Variants in GOLGA8T observed in about 807,000 individuals in gnomAD.
GOLGA8T encodes golgin A8 family member T.
Under a neutral mutation model 52.0 loss-of-function variants are expected in GOLGA8T, and 17 were observed. The ratio of observed to expected loss-of-function variants is 0.33; its 90% confidence interval spans 0.22 to 0.49. GOLGA8T has a LOEUF of 0.49. Ranked by LOEUF, GOLGA8T falls within the 20% of genes least tolerant of loss-of-function variation. The pLI, the probability that GOLGA8T is intolerant of heterozygous loss-of-function variation, is 0.99. For synonymous variants in GOLGA8T, 67 were observed against 169.5 expected (o/e 0.40, Z 4.70); for missense variants, 154 against 462.1 (o/e 0.33, Z 6.11).
At chr15:30,141,699 C>T (rs1041232843) in intron 11 of GOLGA8T, 103 bp from the exon 12 acceptor site, 19 of 567,122 alleles carry the variant, frequency 3.4e-5, no homozygotes, top group African/African-American at 6.7e-5. Context: ...GAATCATTAG[C>T]AGTGAGGCCA....
Position 30,145,674 on chromosome 15 carries a change from C to T in GOLGA8T, c.*107C>T. The T allele has an allele frequency of 1.0e-6, 1 of 970,916 alleles. No individual in the cohort carries two copies. 60.1% of individuals were successfully genotyped at this position (970,916 alleles called of 1,614,324 possible). ...TTACTTCCTTTGAATGTTAGACTCA[C>T]TCATGATTATTTGTGTTTCTAATTT... On this transcript the variant is annotated 3_prime_UTR_variant, in exon 19 of 19. Transcript: ENST00000569052.
chr15:30,141,634 G>A (rs1463421583), intron 11 of GOLGA8T, among the ~76,000 whole-genome samples, 168 bp from the exon 12 acceptor site: 5 of 127,134 alleles, frequency 3.9e-5, no homozygotes, highest in Non-Finnish European at 7.7e-5. Context: ...TCAGCCACCC[G>A]CAGTGCTCTT....
chr15:30,141,374 C>T lies in GOLGA8T; in HGVS notation c.823C>T (p.Arg275Cys), dbSNP rs1299151609. Residue 275 changes from arginine to cysteine, a missense_variant, in exon 11 of 19, where the codon CGT becomes TGT. Arg to Cys is a radical substitution (Grantham distance 180). Around this residue, in one of 6 missense-constraint regions of GOLGA8T, gnomAD observed 56 missense variants for 134.2 expected, o/e 0.42. Transcript: ENST00000569052. Reference sequence around the variant, plus strand: ...AAAGAAAGAGAAGCAGCAAGATATGCGTCGGGTAGAGGAGCTGGAGAGGAG... The same window carrying T: ...AAAGAAAGAGAAGCAGCAAGATATGTGTCGGGTAGAGGAGCTGGAGAGGAG... ...TLKKEKQQDM[R>C]RVEELERSLS... 24 of 1,544,814 alleles carry T rather than the reference C, an allele frequency of 1.6e-5. 2 individuals carry two copies. Among genetic ancestry groups the T allele is most frequent in the South Asian group, 2.3e-5 (2 of 86,086 alleles).
rs2057846912 is a variant in GOLGA8T at position 30,148,558 on chromosome 15, G to A, written c.*2991G>A. On this transcript the variant is annotated 3_prime_UTR_variant, in exon 19 of 19. Coordinates refer to ENST00000569052, the MANE Select transcript of GOLGA8T (RefSeq NM_001355469.2). Reference sequence around the variant, plus strand: ...TATAAAAGAAAGAAATGGTGGGAACGAAAAGCAGAGAAAGAAATGCCAATT... The same window carrying A: ...TATAAAAGAAAGAAATGGTGGGAACAAAAAGCAGAGAAAGAAATGCCAATT... Among the ~76,000 whole-genome samples the A allele has an allele frequency of 7.4e-6, 1 of 135,636 alleles. No individual in the cohort carries two copies. Among genetic ancestry groups the A allele is most frequent in the African/African-American group, 3.1e-5 (1 of 32,444 alleles). The allele number at this position is 135,636 out of a possible 152,430, so 89.0% of individuals were successfully genotyped here.
At chr15:30,144,669 C>G in intron 15 of GOLGA8T, 110 bp from the exon 16 acceptor site, 1 of 1,193,504 alleles carries the variant, frequency 8.4e-7, no homozygotes, top group Non-Finnish European at 1.1e-6. Context: ...TGCAGGAAGT[C>G]ACGGAGAAGC....
intron 8 of GOLGA8T, chr15:30,140,062 C>G: frequency 1.7e-6 from 1 of 577,262 alleles, no homozygotes; most frequent in Non-Finnish European, 3.1e-6. Context: ...AGTCCTAGTC[C>G]TAGGTGGGGT....
At chr15:30,137,252 C>A (rs1253714552) in intron 2 of GOLGA8T, among the ~76,000 whole-genome samples, 1 of 146,690 alleles carries the variant, frequency 6.8e-6, no homozygotes, top group Non-Finnish European at 1.5e-5. Context: ...GTGGCGTGTG[C>A]CTGTAGTCCC....
At position 30,142,706 on chromosome 15, in the gene GOLGA8T, G is replaced by A. The variant is rs577067997; in HGVS notation, c.1200+324G>A. ...AATCCCAGCACTTTGGGAGGCTGAG[G>A]CAGGAGAATCACTTGAGGTCGGGAG... On this transcript the variant is annotated intron_variant, in intron 13 of 18. Transcript: ENST00000569052. Among the ~76,000 whole-genome samples, 391 of 128,908 alleles carry A rather than the reference G, an allele frequency of 3.0e-3. 10 individuals are homozygous for A. The highest frequency in any genetic ancestry group is 0.014 in the African/African-American group (363 of 26,302). The allele number at this position is 128,908 out of a possible 152,430, so 84.6% of individuals were successfully genotyped here.
intron 8 of GOLGA8T, 128 bp from the exon 9 acceptor site, chr15:30,140,714 G>A (rs2057731308): frequency 1.6e-5 from 13 of 791,328 alleles, no homozygotes; most frequent in East Asian, 5.4e-5. Flanking sequence ...ACCAGACCAC[G>A]GGCTTGGAAA....
At position 30,143,693 on chromosome 15, in the gene GOLGA8T, T is replaced by C. The variant is rs201489533; in HGVS notation, c.1276+12T>C. ...TCTCCCTGGGGAAGGTACGGGAGAC[T>C]GCTCAGAGGAAGAGGAGAGAGCCCC... On this transcript the variant is annotated intron_variant, in intron 14 of 18. Transcript: ENST00000569052. 0.055 allele frequency: 75,481 copies of C among 1,380,782 alleles called. 3,270 individuals carry two copies. The highest frequency in any genetic ancestry group is 0.14 in the African/African-American group (6,827 of 49,604). 85.5% of individuals were successfully genotyped at this position (1,380,782 alleles called of 1,614,324 possible). A position where few individuals can be genotyped will look rare whatever the true frequency, so the allele number is the denominator to read the frequency against.
chr15:30,142,532 C>T lies in GOLGA8T; in HGVS notation c.1200+150C>T, dbSNP rs2057759742. On this transcript the variant is annotated intron_variant, in intron 13 of 18. Transcript: ENST00000569052. ...CCAGGGCAGTCCTGTTTCTTGCTTC[C>T]TGCCTCTGACTTTTAAAGGTGGGTA... 17 of 1,469,406 alleles carry T rather than the reference C, an allele frequency of 1.2e-5. 1 individual carries two copies. The Middle Eastern group carries it at 1.4e-3, about 124-fold the overall frequency. 91.0% of individuals were successfully genotyped at this position (1,469,406 alleles called of 1,614,324 possible). A position where few individuals can be genotyped will look rare whatever the true frequency, so the allele number is the denominator to read the frequency against.
At chr15:30,142,487 G>A (rs1185019990) in intron 13 of GOLGA8T, 105 bp downstream of exon 13, 2 of 1,538,216 alleles carry the variant, frequency 1.3e-6, no homozygotes. Context: ...CAGCCTGGGG[G>A]CTGGTGACCA....
rs371484488 is a variant in GOLGA8T, at chr15:30,148,321, A to C, written c.*2754A>C. On this transcript the variant is annotated 3_prime_UTR_variant, in exon 19 of 19. Coordinates refer to ENST00000569052, the MANE Select transcript of GOLGA8T (RefSeq NM_001355469.2). Reference sequence around the variant, plus strand: ...TAATCATTTTAAAAGTATTTGATTCAACCTGATAATTTTCCAGAAATGAAA... The same window carrying C: ...TAATCATTTTAAAAGTATTTGATTCCACCTGATAATTTTCCAGAAATGAAA... Among the ~76,000 whole-genome samples, 2 of 128,104 alleles carry C rather than the reference A, an allele frequency of 1.6e-5. No individual in the cohort carries two copies. The highest frequency in any genetic ancestry group is 2.5e-4 in the South Asian group (1 of 3,990). The allele number at this position is 128,104 out of a possible 152,430, so 84.0% of individuals were successfully genotyped here.
Position 30,140,895 on chromosome 15 carries a change from G to A in GOLGA8T, c.645G>A (p.Arg215=). ...AGTGGAAGTTAGAGCAGTCCATGCG[G>A]GAGGAGACACTACTGAAAGTGCAGC... ...RTEWKLEQSM[R]EETLLKVQLT... is the part of the protein sequence containing the mutation. The change falls in exon 9 of 19, where the codon CGG becomes CGA. Residue 215 remains arginine, a synonymous_variant. Transcript: ENST00000569052. 5 of 1,555,562 alleles carry A rather than the reference G, an allele frequency of 3.2e-6. 1 individual carries two copies. The highest frequency in any genetic ancestry group is 4.3e-6 in the Non-Finnish European group (5 of 1,160,404).
intron 15 of GOLGA8T, among the ~76,000 whole-genome samples, chr15:30,144,542 G>C (rs1473553676): frequency 6.5e-4 from 79 of 122,388 alleles, no homozygotes; most frequent in Admixed American, 2.0e-3. Flanking sequence ...CAGAGGGTGT[G>C]CTGCCAGCGC....
chr15:30,144,668 T>A (rs2057795586), intron 15 of GOLGA8T, 111 bp from the exon 16 acceptor site: 2 of 1,198,436 alleles, frequency 1.7e-6, no homozygotes, highest in Non-Finnish European at 2.2e-6. Context: ...CTGCAGGAAG[T>A]CACGGAGAAG....
At position 30,146,110 on chromosome 15, in the gene GOLGA8T, TA is replaced by T. The variant is rs1343392241; in HGVS notation, c.*546del. Among the ~76,000 whole-genome samples, 2 of 44,310 alleles carry T rather than the reference TA, an allele frequency of 4.5e-5. No homozygotes were observed. Among genetic ancestry groups the T allele is most frequent in the African/African-American group, 5.3e-4 (1 of 1,898 alleles). The allele number at this position is 44,310 out of a possible 152,430, so 29.1% of individuals were successfully genotyped here. A position where few individuals can be genotyped will look rare whatever the true frequency, so the allele number is the denominator to read the frequency against. On this transcript the variant is annotated 3_prime_UTR_variant, in exon 19 of 19. Transcript: ENST00000569052. ...ATGAGTACTGACATTTAGAGTTGTT[TA>T]AAGGCCAAGAACTGGAAACAGCCTT...
chr15:30,140,634 G>A (rs1006537953), intron 8 of GOLGA8T, among the ~76,000 whole-genome samples: 4 of 145,040 alleles, frequency 2.8e-5, no homozygotes, highest in African/African-American at 1.1e-4. Context: ...ATCTCTCTGG[G>A]CCTCTGTTAG....
chr15:30,140,859 A>C lies in GOLGA8T; in HGVS notation c.609A>C (p.Lys203Asn). The change falls in exon 9 of 19, where the codon AAA becomes AAC. Residue 203 changes from lysine (K) to asparagine (N), a missense_variant. Coordinates refer to ENST00000569052, the MANE Select transcript of GOLGA8T (RefSeq NM_001355469.2). ...KKANQLSSRS[K>N]ARTEWKLEQS... ...CCATCCAGTTGTCCAGCCGCAGCAA[A>C]GCACGTACGGAGTGGAAGTTAGAGC... 6.4e-7 allele frequency: 1 copy of C among 1,564,702 alleles called. No homozygotes were observed. Among genetic ancestry groups the C allele is most frequent in the Non-Finnish European group, 8.6e-7 (1 of 1,161,542 alleles).
Sources: gnomAD v4.1 joint callset for allele counts (sites outside exome capture counted in the v4.1 genomes callset) on GRCh38, gnomAD v4.1.1 for gene constraint, gnomAD v4.1.1 regional missense constraint, MANE v1.5 for transcripts, NCBI Gene and HGNC (gene_info 2026-07-23, HGNC 2026-07-21) for gene names.